Variants in PAK5 observed in about 807,000 individuals in gnomAD.
PAK5 encodes serine/threonine-protein kinase PAK 5.
In PAK5, 16 loss-of-function variants were observed where a neutral mutation model predicts 65.9. The ratio of observed to expected loss-of-function variants is 0.24; its 90% confidence interval spans 0.16 to 0.37. PAK5 has a LOEUF of 0.37. Ranked by LOEUF, PAK5 falls within the 10% of genes least tolerant of loss-of-function variation. PAK5 has a pLI of 1.00. For synonymous variants in PAK5, 371 were observed against 354.9 expected, an observed-to-expected ratio of 1.05 and a Z score of -0.51; for missense variants, 785 against 903.9, an observed-to-expected ratio of 0.87 and a Z score of 1.69.
Position 9,791,453 on chromosome 20 carries a change from G to A in PAK5, c.-162+47309C>T, listed in dbSNP as rs574469918. On this transcript the variant is annotated intron_variant, in intron 1 of 9. Transcript: ENST00000353224. ...AGTGCCAACAGGGCAGGTGTGTGCCGTGTGCCACATCCACCCCTCACCCGA... is the reference window on the plus strand; with the variant it reads ...AGTGCCAACAGGGCAGGTGTGTGCCATGTGCCACATCCACCCCTCACCCGA... Among the ~76,000 whole-genome samples, 262 of 152,126 alleles carry A rather than the reference G, an allele frequency of 1.7e-3. 1 individual carries two copies. The highest frequency in any genetic ancestry group is 3.0e-3 in the Non-Finnish European group (205 of 67,994).
intron 7 of PAK5, among the ~76,000 whole-genome samples, chr20:9,557,162 A>G (rs1028926107): frequency 3.9e-5 from 6 of 152,138 alleles, no homozygotes; most frequent in African/African-American, 1.2e-4. Flanking sequence ...ACATCTGCCC[A>G]CGCTTTTGTA....
At chr20:9,664,834 G>C (rs930615623) in intron 2 of PAK5, among the ~76,000 whole-genome samples, 1 of 152,050 alleles carries the variant, frequency 6.6e-6, no homozygotes, top group Non-Finnish European at 1.5e-5. Context: ...TTGAGATGCT[G>C]CCTTGACCCA....
chr20:9,590,911 C>G (rs2046159085), intron 3 of PAK5, among the ~76,000 whole-genome samples: 1 of 152,156 alleles, frequency 6.6e-6, no homozygotes, highest in African/African-American at 2.4e-5. Flanking sequence ...GGTAAGGTCA[C>G]CTTAGGCAAC....
intron 3 of PAK5, among the ~76,000 whole-genome samples, chr20:9,634,179 C>A (rs1427720543): frequency 2.6e-5 from 4 of 152,126 alleles, no homozygotes; most frequent in Admixed American, 6.6e-5. Flanking sequence ...CCATGAATCT[C>A]CAGTTATTCT....
chr20:9,700,439 C>T (rs2047925165), intron 2 of PAK5, among the ~76,000 whole-genome samples: 1 of 152,108 alleles, frequency 6.6e-6, no homozygotes, highest in South Asian at 2.1e-4. Context: ...TATTATTGCA[C>T]AGCATTCCAC....
intron 2 of PAK5, among the ~76,000 whole-genome samples, chr20:9,693,428 T>C (rs1209625533): frequency 6.6e-6 from 1 of 152,026 alleles, no homozygotes; most frequent in Admixed American, 6.6e-5. Context: ...ATCTCTCGTT[T>C]ACCTGTCCAT....
intron 3 of PAK5, among the ~76,000 whole-genome samples, chr20:9,601,385 A>C (rs962450768): frequency 5.9e-5 from 9 of 152,224 alleles, no homozygotes; most frequent in Non-Finnish European, 1.2e-4. Flanking sequence ...GGTTGGTTCT[A>C]TAACAAGAAA....
At chr20:9,821,878 A>G (rs553290482) in intron 1 of PAK5, among the ~76,000 whole-genome samples, 2 of 152,288 alleles carry the variant, frequency 1.3e-5, no homozygotes, top group South Asian at 4.1e-4. Context: ...CAGCTTTCCC[A>G]AGTTTCAAGA....
chr20:9,760,747 C>G (rs753128562), intron 1 of PAK5, among the ~76,000 whole-genome samples: 3 of 147,688 alleles, frequency 2.0e-5, no homozygotes, highest in Non-Finnish European at 3.0e-5. Context: ...TCTCGGCTCA[C>G]TGCAATCTCC....
chr20:9,717,347 T>C (rs2048160736), intron 1 of PAK5, among the ~76,000 whole-genome samples: 1 of 152,174 alleles, frequency 6.6e-6, no homozygotes, highest in Non-Finnish European at 1.5e-5. Context: ...AAGATGGAGA[T>C]GAATACCATT....
intron 2 of PAK5, among the ~76,000 whole-genome samples, chr20:9,648,197 G>A (rs772727891): frequency 1.3e-5 from 2 of 152,142 alleles, no homozygotes; most frequent in Admixed American, 1.3e-4. Context: ...ACCATGAGAG[G>A]ATACAAAACA....
intron 1 of PAK5, among the ~76,000 whole-genome samples, chr20:9,836,540 A>T (rs1277656046): frequency 6.6e-6 from 1 of 152,232 alleles, no homozygotes; most frequent in East Asian, 1.9e-4. Context: ...ATCCTCCCTT[A>T]GAGGTTTTGG....
chr20:9,725,957 G>A (rs926091507), intron 1 of PAK5, among the ~76,000 whole-genome samples: 3 of 151,958 alleles, frequency 2.0e-5, no homozygotes, highest in South Asian at 2.1e-4. Flanking sequence ...AAATTAATTT[G>A]ACATCCTAGA....
At chr20:9,635,862 C>T (rs189834218) in intron 3 of PAK5, among the ~76,000 whole-genome samples, 2 of 152,164 alleles carry the variant, frequency 1.3e-5, no homozygotes, top group African/African-American at 2.4e-5. Flanking sequence ...AAGAAGAGAC[C>T]TGTTAAGGGA....
chr20:9,780,171 T>C (rs1569085170), intron 1 of PAK5, among the ~76,000 whole-genome samples: 1 of 152,014 alleles, frequency 6.6e-6, no homozygotes, highest in Non-Finnish European at 1.5e-5. Context: ...TGGGGCAAAA[T>C]TAGATAAAAA....
At chr20:9,829,419 C>G (rs566472133) in intron 1 of PAK5, among the ~76,000 whole-genome samples, 8 of 152,282 alleles carry the variant, frequency 5.3e-5, no homozygotes, top group African/African-American at 1.9e-4. Context: ...AGCTTCTTGA[C>G]TCTATCTAGC....
intron 1 of PAK5, among the ~76,000 whole-genome samples, chr20:9,712,805 T>C (rs1346599143): frequency 6.6e-6 from 1 of 152,226 alleles, no homozygotes; most frequent in East Asian, 1.9e-4. Context: ...TAGGAAAACC[T>C]GATATACATA....
chr20:9,747,412 T>C (rs1399004750), intron 1 of PAK5, among the ~76,000 whole-genome samples: 3 of 151,752 alleles, frequency 2.0e-5, no homozygotes, highest in Non-Finnish European at 2.9e-5. Flanking sequence ...ATATCCTTGA[T>C]GAACATTGAT....
chr20:9,700,340 G>T (rs1427059443), intron 2 of PAK5, among the ~76,000 whole-genome samples: 1 of 152,182 alleles, frequency 6.6e-6, no homozygotes. Flanking sequence ...GAGCCTGGAA[G>T]GTTGAGGCTG....
Sources: gnomAD v4.1 joint callset for allele counts (sites outside exome capture counted in the v4.1 genomes callset) on GRCh38, gnomAD v4.1.1 for gene constraint, MANE v1.5 for transcripts, NCBI Gene and HGNC (gene_info 2026-07-23, HGNC 2026-07-21) for gene names.